Variants in ERAP1 observed in about 807,000 individuals in gnomAD.
ERAP1 encodes endoplasmic reticulum aminopeptidase 1.
Under a neutral mutation model 103.7 loss-of-function variants are expected in ERAP1, and 86 were observed. The ratio of observed to expected loss-of-function variants is 0.83; its 90% confidence interval spans 0.70 to 0.99. ERAP1 has a LOEUF of 0.99. Ranked by LOEUF, ERAP1 falls within the 50% of genes least tolerant of loss-of-function variation. The pLI, the probability that ERAP1 is intolerant of heterozygous loss-of-function variation, is 0.00. For synonymous variants in ERAP1, 398 were observed against 402.4 expected (o/e 0.99, Z 0.13); for missense variants, 1,009 against 1,128.4 (o/e 0.89, Z 1.52).
At chr5:96,771,880 G>T (rs2150812423), downstream of ERAP1, 1 of 438,158 alleles carries the variant, frequency 2.3e-6, no homozygotes, top group South Asian at 6.2e-5. Flanking sequence ...AGCACTAAAT[G>T]GGATGAGTTT....
the ERAP1 span, among the ~76,000 whole-genome samples, chr5:96,832,501 TAGA>T: frequency 4.2e-4 from 64 of 152,328 alleles, no homozygotes; most frequent in Non-Finnish European, 7.2e-4. Flanking sequence ...TGTAAAAATA[TAGA>T]AGAACTACAC....
At chr5:96,762,931 G>A (rs570029868) in exon 20 of ERAP1, 39 of 530,112 alleles carry the variant, frequency 7.4e-5, no homozygotes, top group Non-Finnish European at 1.2e-4. Flanking sequence ...TTTACATGCT[G>A]TGAGGCAAGG....
At chr5:96,861,734 CA>C in the ERAP1 span, among the ~76,000 whole-genome samples, 1 of 152,114 alleles carries the variant, frequency 6.6e-6, no homozygotes, top group Non-Finnish European at 1.5e-5. Flanking sequence ...AGTGAGGCAA[CA>C]GAACTTAAAC....
intron 2 of ERAP1, among the ~76,000 whole-genome samples, chr5:96,802,045 T>G (rs1285380517): frequency 6.6e-6 from 1 of 151,990 alleles, no homozygotes. Context: ...GGACCTTTTT[T>G]GCTCTAAAAA....
chr5:96,903,589 C>A, the ERAP1 span: 2 of 1,563,148 alleles, frequency 1.3e-6, no homozygotes, highest in Non-Finnish European at 1.7e-6. Flanking sequence ...TGACTTCATG[C>A]AAAATAACTG....
chr5:96,858,404 A>G, the ERAP1 span, among the ~76,000 whole-genome samples: 5 of 152,064 alleles, frequency 3.3e-5, no homozygotes, highest in East Asian at 9.7e-4. Flanking sequence ...TAGTAGAGAC[A>G]GAGTTTCACC....
chr5:96,858,903 G>A, the ERAP1 span, among the ~76,000 whole-genome samples: 1 of 152,182 alleles, frequency 6.6e-6, no homozygotes, highest in Non-Finnish European at 1.5e-5. Flanking sequence ...ACTTCCCTGT[G>A]TTCTTGATTC....
the ERAP1 span, chr5:96,881,011 C>T: frequency 6.3e-6 from 1 of 158,536 alleles, no homozygotes; most frequent in Non-Finnish European, 1.4e-5. Context: ...TTTAAAGAGA[C>T]AGTTATGAGA....
At chr5:96,773,540 G>A (rs28096), downstream of ERAP1, 47,202 of 151,902 alleles carry the variant, frequency 0.31, 7,738 homozygotes, top group Non-Finnish European at 0.38. Context: ...ACTGTATAGC[G>A]TCTGGCTTTA....
chr5:96,882,402 GTTAA>G, the ERAP1 span, among the ~76,000 whole-genome samples: 4 of 152,120 alleles, frequency 2.6e-5, no homozygotes, highest in African/African-American at 9.7e-5. Context: ...GCTCCTTATG[GTTAA>G]TTAGTCAGTT....
the ERAP1 span, among the ~76,000 whole-genome samples, chr5:96,853,793 G>T: frequency 6.6e-6 from 1 of 150,434 alleles, no homozygotes; most frequent in Admixed American, 6.6e-5. Flanking sequence ...AGTACCTAAG[G>T]TAGTAGAAGA....
the ERAP1 span, among the ~76,000 whole-genome samples, chr5:96,849,917 A>G: frequency 6.6e-6 from 1 of 152,180 alleles, no homozygotes; most frequent in Admixed American, 6.5e-5. Flanking sequence ...AGACACATCA[A>G]CCAATGGAAT....
At chr5:96,877,043 C>T in the ERAP1 span, among the ~76,000 whole-genome samples, 1 of 152,170 alleles carries the variant, frequency 6.6e-6, no homozygotes, top group Non-Finnish European at 1.5e-5. Context: ...AGCACGATCT[C>T]GGCTCACTGC....
chr5:96,905,706 A>T, the ERAP1 span, among the ~76,000 whole-genome samples: 1 of 152,132 alleles, frequency 6.6e-6, no homozygotes, highest in Non-Finnish European at 1.5e-5. Flanking sequence ...CAACATAGTG[A>T]AACCCCATCT....
rs1419515131 is a variant in ERAP1 at position 96,795,040 on chromosome 5, A to G, written c.919+2T>C. On this transcript the variant is annotated splice_donor_variant, in intron 5 of 18. Transcript: ENST00000443439. LOFTEE classifies it high-confidence loss of function. ...TGTGTAATATCTGTGCAAAATCTCT[A>G]CCTTGTTTGGGTAGGGGATACGGTA... 6.2e-7 allele frequency: 1 copy of G among 1,613,840 alleles called. No individual in the cohort carries two copies. The highest frequency in any genetic ancestry group is 8.5e-7 in the Non-Finnish European group (1 of 1,179,942).
chr5:96,819,000 A>G, the ERAP1 span, among the ~76,000 whole-genome samples: 1 of 152,014 alleles, frequency 6.6e-6, no homozygotes, highest in East Asian at 1.9e-4. Flanking sequence ...ATCTCAGCTC[A>G]CTGCAACCTC....
exon 20 of ERAP1, chr5:96,763,004 A>C (rs1264814646): frequency 1.6e-6 from 1 of 644,888 alleles, no homozygotes; most frequent in East Asian, 2.7e-5. Context: ...CAAATTATAC[A>C]TTACCAAGGA....
At chr5:96,766,936 T>A (rs746230940) in intron 19 of ERAP1, among the ~76,000 whole-genome samples, 2 of 152,196 alleles carry the variant, frequency 1.3e-5, no homozygotes, top group Non-Finnish European at 2.9e-5. Context: ...TTGCTTGCAT[T>A]CAGTATTCCT....
At chr5:96,900,328 A>T in the ERAP1 span, 1 of 1,326,222 alleles carries the variant, frequency 7.5e-7, no homozygotes, top group Non-Finnish European at 1.0e-6. Flanking sequence ...CTCTAAAACA[A>T]AACTGAAGGG....
Sources: allele counts gnomAD v4.1 joint callset (sites outside exome capture counted in the v4.1 genomes callset), GRCh38; gene constraint gnomAD v4.1.1; transcripts MANE v1.5; gene names NCBI Gene and HGNC (gene_info 2026-07-23, HGNC 2026-07-21).